HYDIN: variants seen among roughly 807,000 people sequenced by gnomAD.
The protein encoded by HYDIN is HYDIN axonemal central pair apparatus protein.
In HYDIN, 132 loss-of-function variants were observed where a neutral mutation model predicts 403.9. The ratio of observed to expected loss-of-function variants is 0.33; its 90% CI spans 0.28 to 0.38. The LOEUF is 0.38. Among genes scored for constraint, HYDIN ranks in the 10% least tolerant of loss-of-function variants. The pLI is 1.00. For missense variants in HYDIN, 2,827 were observed against 5,009.5 expected, an observed-to-expected ratio of 0.56 and a Z score of 13.15; for synonymous variants, 1,202 against 1,891.7, an observed-to-expected ratio of 0.64 and a Z score of 9.46.
chr16:71,148,785 GTCTCACTCTGTCACCCAGGCTGGA>G (rs1568229796), intron 7 of HYDIN, among the ~76,000 whole-genome samples: 3 of 142,122 alleles, frequency 2.1e-5, no homozygotes, highest in East Asian at 3.9e-4. Context: ...TTAAGATGGA[GTCTCACTCTGTCACCCAGGCTGGA>G]GTGCAATGGC....
chr16:70,828,736 G>A (rs1200131761), intron 81 of HYDIN, among the ~76,000 whole-genome samples: 1 of 152,200 alleles, frequency 6.6e-6, no homozygotes, highest in African/African-American at 2.4e-5. Flanking sequence ...AAATGGGACT[G>A]TAAAACAAAT....
At chr16:70,810,524 C>T (rs970347069) in intron 84 of HYDIN, among the ~76,000 whole-genome samples, 1 of 152,148 alleles carries the variant, frequency 6.6e-6, no homozygotes, top group Non-Finnish European at 1.5e-5. Flanking sequence ...TATTGTGTAG[C>T]CACTAGAAAG....
chr16:70,921,325 A>T (rs944016509), intron 45 of HYDIN, 108 bp from the exon 46 acceptor site: 149 of 1,187,314 alleles, frequency 1.3e-4, no homozygotes, highest in Middle Eastern at 2.0e-4. Context: ...GTCTCCGAGG[A>T]TCTGGGCACC....
rs535930809 is a variant in HYDIN at position 71,034,187 on chromosome 16, G to C, written c.2530-2270C>G. ...ATGCAAATTTTACTATTTGAGCGGG[G>C]CTGTAGAGGACATTCCAGTCTAAGA... On this transcript the variant is annotated intron_variant, in intron 18 of 85. Transcript: ENST00000393567. Among the ~76,000 whole-genome samples the C allele has an allele frequency of 7.2e-5, 11 of 152,300 alleles. No homozygotes were observed. In the South Asian group the frequency reaches 2.1e-3, roughly 29 times the overall value.
intron 13 of HYDIN, among the ~76,000 whole-genome samples, chr16:71,079,177 C>T (rs894479746): frequency 5.9e-5 from 9 of 152,184 alleles, no homozygotes; most frequent in South Asian, 4.2e-4. Context: ...GATGGAGTTA[C>T]AGAATTGAAA....
chr16:71,013,283 G>A (rs1470987710), intron 23 of HYDIN, among the ~76,000 whole-genome samples: 1 of 152,094 alleles, frequency 6.6e-6, no homozygotes, highest in African/African-American at 2.4e-5. Flanking sequence ...ACAGCTAGGT[G>A]GGGCTGGGGA....
rs148506188 is a variant in HYDIN, at chr16:71,201,713, C to T, written c.-23-14795G>A. 1.9e-3 allele frequency among the ~76,000 whole-genome samples: 291 copies of T among 152,350 alleles called. 1 individual carries two copies. The highest frequency in any genetic ancestry group is 6.8e-3 in the Middle Eastern group (2 of 294). ...GGGGAGAGGCTGTCTGAGAACAAAGCCACACAAATGACAGCAGTGCCAACA... is the reference window on the plus strand; with the variant it reads ...GGGGAGAGGCTGTCTGAGAACAAAGTCACACAAATGACAGCAGTGCCAACA... On this transcript the variant is annotated intron_variant, in intron 1 of 85. Transcript: ENST00000393567.
intron 7 of HYDIN, among the ~76,000 whole-genome samples, chr16:71,145,386 C>G (rs1200266844): frequency 1.3e-5 from 2 of 152,048 alleles, no homozygotes; most frequent in East Asian, 3.9e-4. Flanking sequence ...TCCCAAGTAG[C>G]TGGGATTACA....
rs541859854 is a variant in HYDIN, at chr16:70,808,344, C to T, written c.14884-282G>A. Among the ~76,000 whole-genome samples the T allele has an allele frequency of 7.7e-4, 117 of 152,274 alleles. 1 individual carries two copies. Among genetic ancestry groups the T allele is most frequent in the African/African-American group, 2.6e-3 (106 of 41,558 alleles). ...TAGGGCAGTCATGGATGCTGATCCC[C>T]TATATTCGGTTCTTTCCTTCCATGT... On this transcript the variant is annotated intron_variant, in intron 85 of 85. Coordinates refer to ENST00000393567, the MANE Select transcript of HYDIN (RefSeq NM_001270974.2).
chr16:71,093,737 C>G (rs2083186847), intron 11 of HYDIN, 80 bp downstream of exon 11: 3 of 1,510,138 alleles, frequency 2.0e-6, no homozygotes, highest in Non-Finnish European at 2.7e-6. Flanking sequence ...CTCTTTCCAT[C>G]AAATAAAAAC....
At chr16:71,010,178 C>A (rs541952660) in intron 23 of HYDIN, among the ~76,000 whole-genome samples, 60 of 149,542 alleles carry the variant, frequency 4.0e-4, no homozygotes, top group African/African-American at 1.5e-3. Context: ...CCTTCATGAC[C>A]TTTTTGCCCC....
At chr16:71,011,798 G>A (rs2080093708) in intron 23 of HYDIN, among the ~76,000 whole-genome samples, 1 of 150,964 alleles carries the variant, frequency 6.6e-6, no homozygotes, top group Non-Finnish European at 1.5e-5. Flanking sequence ...TCCAGAAAAT[G>A]AGGCTCCTTC....
At chr16:70,976,757 G>C (rs1317966927) in intron 30 of HYDIN, among the ~76,000 whole-genome samples, 1 of 152,186 alleles carries the variant, frequency 6.6e-6, no homozygotes, top group Non-Finnish European at 1.5e-5. Flanking sequence ...ATATTTCATG[G>C]GGAATATTAG....
At chr16:70,938,857 G>A (rs1412091810) in intron 43 of HYDIN, 102 bp from the exon 44 acceptor site, 152 of 1,141,426 alleles carry the variant, frequency 1.3e-4, no homozygotes, top group Non-Finnish European at 1.8e-4. Flanking sequence ...CAGCTGGTAC[G>A]GCGCCTGGTC....
intron 1 of HYDIN, among the ~76,000 whole-genome samples, chr16:71,199,783 A>T (rs1366811832): frequency 4.6e-5 from 7 of 152,220 alleles, no homozygotes; most frequent in East Asian, 1.9e-4. Flanking sequence ...CAGAAAAGGA[A>T]TTTTTTTAAA....
At position 71,161,400 on chromosome 16, in the gene HYDIN, G is replaced by A. The variant is rs887983017; in HGVS notation, c.716+1131C>T. ...TTCCTAAAAGGCCACGGACTGGACC[G>A]GTACCAGTTCATGGCCCGGGGGTTG... On this transcript the variant is annotated intron_variant, in intron 6 of 85. Transcript: ENST00000393567. 1.2e-4 allele frequency among the ~76,000 whole-genome samples: 18 copies of A among 152,302 alleles called. 1 individual carries two copies. Among genetic ancestry groups the A allele is most frequent in the Middle Eastern group, 6.8e-3 (2 of 294 alleles).
intron 1 of HYDIN, among the ~76,000 whole-genome samples, chr16:71,196,125 A>C (rs1272625402): frequency 6.6e-6 from 1 of 152,268 alleles, no homozygotes; most frequent in Non-Finnish European, 1.5e-5. Flanking sequence ...TACTTTTGTC[A>C]CAAGGAAATT....
chr16:70,957,201 G>C (rs1297614523), intron 39 of HYDIN, among the ~76,000 whole-genome samples: 2 of 151,176 alleles, frequency 1.3e-5, no homozygotes, highest in African/African-American at 4.9e-5. Context: ...CTATGAATTT[G>C]ACCAGTCTGG....
At position 70,826,705 on chromosome 16, in the gene HYDIN, ATCTCTCTCTCTCTCTCTCTC is replaced by A. The variant is rs3043151; in HGVS notation, c.14427+536_14427+555del. On this transcript the variant is annotated intron_variant, in intron 83 of 85. Transcript: ENST00000393567. ...ACACTGCTGGATGCGTCTTGCCAGC[ATCTCTCTCTCTCTCTCTCTC>A]TCTCTCTCTCTCTCTCTCTCTGTGT... Among the ~76,000 whole-genome samples, 441 of 128,854 alleles carry A rather than the reference ATCTCTCTCTCTCTCTCTCTC, an allele frequency of 3.4e-3. 5 individuals carry two copies. The highest frequency in any genetic ancestry group is 0.014 in the African/African-American group (394 of 27,900). The allele number at this position is 128,854 out of a possible 152,430, so 84.5% of individuals were successfully genotyped here. A position where few individuals can be genotyped will look rare whatever the true frequency, so the allele number is the denominator to read the frequency against.
Sources: allele counts gnomAD v4.1 joint callset (sites outside exome capture counted in the v4.1 genomes callset), GRCh38; gene constraint gnomAD v4.1.1; transcripts MANE v1.5; gene names NCBI Gene and HGNC (gene_info 2026-07-23, HGNC 2026-07-21).